SNX13: variants seen among roughly 807,000 people sequenced by gnomAD.
SNX13 encodes sorting nexin 13, also known as sorting nexin-13.
A neutral mutation model predicts 133.6 loss-of-function variants in SNX13; 45 were observed. That is an observed-to-expected ratio of 0.34 (90% CI 0.27 to 0.43). SNX13 has a LOEUF of 0.43. Among genes scored for constraint, SNX13 ranks in the 20% least tolerant of loss-of-function variants. The pLI, the probability that SNX13 is intolerant of heterozygous loss-of-function variation, is 1.00. For synonymous variants in SNX13, 414 were observed against 373.9 expected, an observed-to-expected ratio of 1.11 and a Z score of -1.24; for missense variants, 1,032 against 1,145.1, an observed-to-expected ratio of 0.90 and a Z score of 1.43.
intron 9 of SNX13, among the ~76,000 whole-genome samples, chr7:17,851,484 G>A (rs939790608): frequency 3.9e-5 from 6 of 152,144 alleles, no homozygotes; most frequent in Non-Finnish European, 7.3e-5. Flanking sequence ...ATATAATATA[G>A]TCAGGGAGCA....
At chr7:17,894,390 A>G (rs951645643) in intron 2 of SNX13, among the ~76,000 whole-genome samples, 1 of 152,146 alleles carries the variant, frequency 6.6e-6, no homozygotes, top group Non-Finnish European at 1.5e-5. Flanking sequence ...ATGTAGCTAA[A>G]TGACAGAATT....
chr7:17,801,011 TATATATATATATATATATATATATATA>T (rs1784557836), intron 22 of SNX13, among the ~76,000 whole-genome samples: 1 of 13,274 alleles, frequency 7.5e-5, no homozygotes, highest in African/African-American at 1.1e-4. Context: ...AAACTGAACA[TATATATATATATATATATATATATATA>T]TATATATATA....
In SNX13 at chr7:17,891,609, G is replaced by A. The variant is rs760164129; in HGVS notation, c.255C>T (p.Ala85=). ...PKCLEEMKRE[A]RTIKIDRRLT... ...ATCTTCTATCAATCTTAATAGTCCTGGCTTCCCGTTTCATTTCTTCTAAGC... is the reference window on the plus strand; with the variant it reads ...ATCTTCTATCAATCTTAATAGTCCTAGCTTCCCGTTTCATTTCTTCTAAGC... Residue 85 remains alanine (A), a synonymous_variant, in exon 4 of 26, where the codon GCC becomes GCT. Transcript: ENST00000428135. 2 of 1,612,088 alleles carry A rather than the reference G, an allele frequency of 1.2e-6. No individual in the cohort carries two copies. Among genetic ancestry groups the A allele is most frequent in the Non-Finnish European group, 1.7e-6 (2 of 1,178,846 alleles).
At chr7:17,869,194 C>A (rs181810798) in intron 8 of SNX13, among the ~76,000 whole-genome samples, 214 of 152,166 alleles carry the variant, frequency 1.4e-3, no homozygotes, top group Middle Eastern at 6.8e-3. Flanking sequence ...CAGCATTTAA[C>A]ACTTGATATT....
At position 17,897,334 on chromosome 7, in the gene SNX13, C is replaced by G. The variant is rs911672790; in HGVS notation, c.125G>C (p.Gly42Ala). The G allele has an allele frequency of 6.6e-7, 1 of 1,504,728 alleles. No homozygotes were observed. Among genetic ancestry groups the G allele is most frequent in the African/African-American group, 1.4e-5 (1 of 71,384 alleles). 93.2% of individuals were successfully genotyped at this position (1,504,728 alleles called of 1,614,324 possible). A position where few individuals can be genotyped will look rare whatever the true frequency, so the allele number is the denominator to read the frequency against. Residue 42 changes from glycine (G) to alanine (A), a missense_variant and splice_region_variant, in exon 2 of 26, where the codon GGG becomes GCG. By Grantham distance (60) the Gly-to-Ala change is moderately conservative. Coordinates refer to ENST00000428135, the MANE Select transcript of SNX13 (RefSeq NM_015132.5). ...TAAAATTATAATTGAGTATACTTAC[C>G]CACCCACAAAGCAGAGGATATAAAA... is the stretch of plus-strand genomic sequence containing the variant. ...LTFYILCFVGGGLVVTLLFGK... is the reference protein window; with the variant it reads ...LTFYILCFVGAGLVVTLLFGK...
rs184144761 is a variant in SNX13, at chr7:17,888,633, C to A, written c.440+1730G>T. ...GCATAAAAACTTAAATTTCTAAATT[C>A]CTTCACAATTTTCAAAACACTGTCA... is the stretch of plus-strand genomic sequence containing the variant. On this transcript the variant is annotated intron_variant, in intron 5 of 25. Coordinates refer to ENST00000428135, the MANE Select transcript of SNX13 (RefSeq NM_015132.5). 32 of 464,560 alleles carry A rather than the reference C, an allele frequency of 6.9e-5. No individual in the cohort carries two copies. The Admixed American group carries it at 7.5e-4, about 11-fold the overall frequency. The allele number at this position is 464,560 out of a possible 1,614,324, so 28.8% of individuals were successfully genotyped here.
chr7:17,842,793 A>G (rs1485523122), intron 12 of SNX13, among the ~76,000 whole-genome samples: 1 of 152,076 alleles, frequency 6.6e-6, no homozygotes, highest in East Asian at 1.9e-4. Flanking sequence ...GACGTCATCA[A>G]AAGAGGGATG....
chr7:17,915,461 T>C (rs1799447954), intron 1 of SNX13, among the ~76,000 whole-genome samples: 1 of 152,304 alleles, frequency 6.6e-6, no homozygotes, highest in East Asian at 1.9e-4. Flanking sequence ...CCGTCAATGA[T>C]ATGCGGTAAA....
At chr7:17,809,850 C>G (rs976520996) in intron 20 of SNX13, among the ~76,000 whole-genome samples, 1 of 152,166 alleles carries the variant, frequency 6.6e-6, no homozygotes, top group Admixed American at 6.5e-5. Context: ...GGAAACTGAA[C>G]AACCTGCTCT....
In SNX13 at chr7:17,837,035, T is replaced by C. The variant is rs552757668; in HGVS notation, c.1360-2170A>G. On this transcript the variant is annotated intron_variant, in intron 13 of 25. Coordinates refer to ENST00000428135, the MANE Select transcript of SNX13 (RefSeq NM_015132.5). ...TGTTACCACTGAATATAATCAAACA[T>C]AAAAATTCACCTTGATTTTTAGCTC... is the stretch of plus-strand genomic sequence containing the variant. Among the ~76,000 whole-genome samples, 3 of 152,108 alleles carry C rather than the reference T, an allele frequency of 2.0e-5. No homozygotes were observed. In the South Asian group the frequency reaches 6.2e-4, roughly 32 times the overall value.
chr7:17,892,008 A>T (rs953248666), intron 3 of SNX13, among the ~76,000 whole-genome samples: 4 of 152,074 alleles, frequency 2.6e-5, no homozygotes, highest in Non-Finnish European at 4.4e-5. Flanking sequence ...AGCCCAAAAC[A>T]GTATACCAGC....
chr7:17,832,096 T>G, intron 15 of SNX13: 1 of 982,680 alleles, frequency 1.0e-6, no homozygotes, highest in Non-Finnish European at 1.2e-6. Context: ...CAAACTACAA[T>G]CAATGATTCA....
intron 5 of SNX13, chr7:17,888,610 A>G: frequency 2.2e-6 from 1 of 461,006 alleles, no homozygotes; most frequent in Admixed American, 2.4e-5. Context: ...GTTGGATGGC[A>G]TAAAAACTTA....
chr7:17,854,520 A>G (rs1791652983), intron 9 of SNX13, among the ~76,000 whole-genome samples: 1 of 152,192 alleles, frequency 6.6e-6, no homozygotes, highest in Non-Finnish European at 1.5e-5. Flanking sequence ...AACTCTTACC[A>G]GCATATTTTT....
chr7:17,926,145 A>G (rs1800729484), intron 1 of SNX13, among the ~76,000 whole-genome samples: 2 of 152,206 alleles, frequency 1.3e-5, no homozygotes. Context: ...AAGGTAACAG[A>G]AGATAAATAC....
At position 17,814,960 on chromosome 7, in the gene SNX13, A is replaced by G. The variant is rs758586870; in HGVS notation, c.1954-16T>C. 7.1e-7 allele frequency: 1 copy of G among 1,410,736 alleles called. No individual in the cohort carries two copies. The highest frequency in any genetic ancestry group is 9.2e-7 in the Non-Finnish European group (1 of 1,088,818). The allele number at this position is 1,410,736 out of a possible 1,614,324, so 87.4% of individuals were successfully genotyped here. On this transcript the variant is annotated splice_polypyrimidine_tract_variant and intron_variant, in intron 19 of 25. Coordinates refer to ENST00000428135, the MANE Select transcript of SNX13 (RefSeq NM_015132.5). ...CTAACAGTAACTAACAAGAAAAAAA[A>G]AAAAAAGAAGAGATTATCTTAAACT... is the stretch of plus-strand genomic sequence containing the variant.
intron 2 of SNX13, among the ~76,000 whole-genome samples, chr7:17,894,124 G>A (rs1583660427): frequency 1.3e-5 from 2 of 151,806 alleles, no homozygotes; most frequent in Non-Finnish European, 2.9e-5. Context: ...CCAACATGGT[G>A]AAACCCCGTC....
intron 1 of SNX13, among the ~76,000 whole-genome samples, chr7:17,903,422 T>C (rs536909001): frequency 1.2e-4 from 18 of 152,306 alleles, no homozygotes; most frequent in Non-Finnish European, 2.5e-4. Context: ...GAACAACTTA[T>C]GAAGCAGTAG....
intron 1 of SNX13, among the ~76,000 whole-genome samples, chr7:17,920,911 T>C (rs1341261248): frequency 6.6e-6 from 1 of 152,128 alleles, no homozygotes; most frequent in Non-Finnish European, 1.5e-5. Flanking sequence ...AGTATAAAAG[T>C]AAAGAAATAG....
Sources: gnomAD v4.1 joint callset for allele counts (sites outside exome capture counted in the v4.1 genomes callset) on GRCh38, gnomAD v4.1.1 for gene constraint, MANE v1.5 for transcripts, NCBI Gene and HGNC (gene_info 2026-07-23, HGNC 2026-07-21) for gene names.